The following TMEM156 variants were observed in gnomAD, a reference collection of about 807,000 sequenced individuals.
The protein encoded by TMEM156 is transmembrane protein 156.
Under a neutral mutation model 30.5 loss-of-function variants are expected in TMEM156, and 28 were observed. That is an observed-to-expected ratio of 0.92 (90% confidence interval 0.68 to 1.26). The LOEUF (loss-of-function observed/expected upper bound fraction) is 1.26, where lower values mean the gene tolerates loss of function less well. TMEM156 is among the 50% of genes most tolerant of loss of function. The probability of loss-of-function intolerance (pLI) is 0.00; values close to 1 mark genes in which losing one functional copy is unlikely to be tolerated. For synonymous variants in TMEM156, 137 were observed against 119.9 expected, an observed-to-expected ratio of 1.14 and a Z score of -0.93; for missense variants, 351 against 340.6, an observed-to-expected ratio of 1.03 and a Z score of -0.24.
chr4:39,014,478 G>A (rs1714348200), intron 1 of TMEM156, among the ~76,000 whole-genome samples: 1 of 152,130 alleles, frequency 6.6e-6, no homozygotes, highest in African/African-American at 2.4e-5. Context: ...ATCAGCAAGA[G>A]CCAGGTGTGG....
intron 5 of TMEM156, among the ~76,000 whole-genome samples, chr4:38,977,557 G>T (rs968445195): frequency 1.3e-5 from 2 of 152,080 alleles, no homozygotes; most frequent in African/African-American, 4.8e-5. Flanking sequence ...AGCTAAAACG[G>T]GTGGAAATTT....
chr4:38,995,740 T>C (rs1712879081), intron 2 of TMEM156, among the ~76,000 whole-genome samples: 1 of 152,136 alleles, frequency 6.6e-6, no homozygotes, highest in Non-Finnish European at 1.5e-5. Context: ...AAATAAATAA[T>C]TTCTTTTCCC....
intron 1 of TMEM156, among the ~76,000 whole-genome samples, chr4:39,000,221 A>G (rs1713239042): frequency 6.6e-6 from 1 of 152,024 alleles, no homozygotes; most frequent in Non-Finnish European, 1.5e-5. Flanking sequence ...TGGCCACCCC[A>G]TCTCTACAAA....
At chr4:38,986,853 G>GAAAAAAAAAAAAAAAAA (rs1712036216) in intron 4 of TMEM156, among the ~76,000 whole-genome samples, 1 of 84,070 alleles carries the variant, frequency 1.2e-5, no homozygotes, top group African/African-American at 4.3e-5. Flanking sequence ...AAAAAAAAAG[G>GAAAAAAAAAAAAAAAAA]AAAGCGACAG....
At chr4:39,031,927 A>G (rs1477691337) in intron 1 of TMEM156, among the ~76,000 whole-genome samples, 6 of 151,796 alleles carry the variant, frequency 4.0e-5, no homozygotes, top group African/African-American at 1.2e-4. Flanking sequence ...TGCTTTGAAG[A>G]AAGTGTTTCA....
chr4:39,022,926 C>T (rs1009310882), intron 1 of TMEM156, among the ~76,000 whole-genome samples: 1 of 152,100 alleles, frequency 6.6e-6, no homozygotes, highest in Admixed American at 6.5e-5. Flanking sequence ...AGAAATATTG[C>T]TAGTACAACC....
At position 38,990,295 on chromosome 4, in the gene TMEM156, G is replaced by T. The variant is rs898155396; in HGVS notation, c.620-1325C>A. ...AGGCATTAAGCATTCATTTAGAGAG[G>T]TGGCTAAGTAGAAAAAGGGCAGAGG... On this transcript the variant is annotated intron_variant, in intron 3 of 6. Coordinates refer to ENST00000381938, the MANE Select transcript of TMEM156 (RefSeq NM_024943.3). 7.3e-4 allele frequency among the ~76,000 whole-genome samples: 111 copies of T among 152,330 alleles called. 1 individual carries two copies. Among genetic ancestry groups the T allele is most frequent in the Non-Finnish European group, 6.2e-4 (42 of 68,038 alleles).
At chr4:38,974,721 G>C (rs894108435) in intron 5 of TMEM156, among the ~76,000 whole-genome samples, 3 of 149,416 alleles carry the variant, frequency 2.0e-5, no homozygotes, top group African/African-American at 5.0e-5. Flanking sequence ...GCCCAGGCTA[G>C]AGTGCAATGG....
At chr4:38,998,933 T>C in intron 1 of TMEM156, 24 bp from the exon 2 acceptor site, 1 of 1,582,678 alleles carries the variant, frequency 6.3e-7, no homozygotes, top group Non-Finnish European at 8.6e-7. Flanking sequence ...AGAAAAACAC[T>C]TTCTTTACTG....
chr4:38,991,768 A>C (rs1170957943), intron 3 of TMEM156, among the ~76,000 whole-genome samples: 1 of 152,188 alleles, frequency 6.6e-6, no homozygotes, highest in African/African-American at 2.4e-5. Flanking sequence ...GTGGATATAC[A>C]AATGTACATT....
intron 2 of TMEM156, among the ~76,000 whole-genome samples, chr4:38,995,004 G>T (rs1220434868): frequency 6.6e-6 from 1 of 152,114 alleles, no homozygotes; most frequent in South Asian, 2.1e-4. Context: ...AGATCAAGGT[G>T]TTGGCACGGT....
At chr4:39,018,479 A>G (rs186197409) in intron 1 of TMEM156, among the ~76,000 whole-genome samples, 1 of 152,234 alleles carries the variant, frequency 6.6e-6, no homozygotes, top group East Asian at 1.9e-4. Flanking sequence ...TTCTGGGATT[A>G]CATTCCTTCT....
At position 38,978,774 on chromosome 4, in the gene TMEM156, C is replaced by T. The variant is rs940297531; in HGVS notation, c.823+7562G>A. 4.6e-5 allele frequency among the ~76,000 whole-genome samples: 7 copies of T among 152,130 alleles called. No individual in the cohort carries two copies. The South Asian group carries it at 1.5e-3, about 32-fold the overall frequency. On this transcript the variant is annotated intron_variant, in intron 5 of 6. Coordinates refer to ENST00000381938, the MANE Select transcript of TMEM156 (RefSeq NM_024943.3). ...TGGGGAGAAAGTCTCAAGCTATCTG[C>T]CAAGGAATGCATTTTTTTTTTCTTT...
At chr4:38,975,432 G>C (rs568094586) in intron 5 of TMEM156, among the ~76,000 whole-genome samples, 1 of 146,988 alleles carries the variant, frequency 6.8e-6, no homozygotes, top group Admixed American at 6.9e-5. Context: ...ACCCAAGCTG[G>C]AGTGCAGTGG....
At chr4:38,992,718 A>ATAT (rs1553878915) in intron 3 of TMEM156, among the ~76,000 whole-genome samples, 1 of 43,416 alleles carries the variant, frequency 2.3e-5, no homozygotes, top group African/African-American at 6.8e-5. Flanking sequence ...TATATTATAT[A>ATAT]TATATAATAT....
intron 1 of TMEM156, among the ~76,000 whole-genome samples, chr4:39,024,546 G>C (rs1715078185): frequency 6.6e-6 from 1 of 152,172 alleles, no homozygotes; most frequent in Non-Finnish European, 1.5e-5. Context: ...GGAGCTGGAG[G>C]CCATTATCCT....
chr4:38,998,722 A>G lies in TMEM156; in HGVS notation c.276T>C (p.Gly92=), dbSNP rs1713109258. The change falls in exon 2 of 7, where the codon GGT becomes GGC. Residue 92 remains glycine, a synonymous_variant. Coordinates refer to ENST00000381938, the MANE Select transcript of TMEM156 (RefSeq NM_024943.3). ...NFTRTCQDIT[G]EFKMCSSCLV... is the part of the protein sequence containing the mutation. ...AACACGAGGAGCACATTTTAAATTC[A>G]CCTGTGATGTCTTGGCAAGTCCTGG... 1 of 1,613,836 alleles carries G rather than the reference A, an allele frequency of 6.2e-7. No homozygotes were observed. Among genetic ancestry groups the G allele is most frequent in the East Asian group, 2.2e-5 (1 of 44,818 alleles).
intron 5 of TMEM156, among the ~76,000 whole-genome samples, chr4:38,978,846 A>G (rs1185709354): frequency 6.6e-6 from 1 of 152,098 alleles, no homozygotes; most frequent in African/African-American, 2.4e-5. Flanking sequence ...GCAGAGGCAC[A>G]ATCACATCTC....
chr4:38,977,019 C>A (rs1340940330), intron 5 of TMEM156, among the ~76,000 whole-genome samples: 2 of 152,210 alleles, frequency 1.3e-5, no homozygotes, highest in African/African-American at 2.4e-5. Context: ...AATTCTCCTG[C>A]TTCAGCCTCC....
Sources: allele counts gnomAD v4.1 joint callset (sites outside exome capture counted in the v4.1 genomes callset), GRCh38; gene constraint gnomAD v4.1.1; transcripts MANE v1.5; gene names NCBI Gene and HGNC (gene_info 2026-07-23, HGNC 2026-07-21).